CHTF8: variants seen among roughly 807,000 people sequenced by gnomAD.
The protein encoded by CHTF8 is chromosome transmission fidelity protein 8 homolog.
Under a neutral mutation model 11.0 loss-of-function variants are expected in CHTF8, and 6 were observed. The observed-to-expected ratio is 0.55, with a 90% CI of 0.30 to 1.08. CHTF8 has a LOEUF of 1.08. CHTF8 is among the 50% of genes least tolerant of loss of function. CHTF8 has a pLI of 0.07. For missense variants in CHTF8, 140 were observed against 153.1 expected (o/e 0.91, Z 0.45); for synonymous variants, 53 against 60.5 (o/e 0.88, Z 0.57).
intron 1 of CHTF8, among the ~76,000 whole-genome samples, chr16:69,129,284 G>T (rs1962315470): frequency 6.6e-6 from 1 of 151,730 alleles, no homozygotes; most frequent in South Asian, 2.1e-4. Flanking sequence ...CAAAAAATTA[G>T]CCGGGCGTGG....
chr16:69,124,122 AAG>A (rs200948847), intron 1 of CHTF8, among the ~76,000 whole-genome samples: 2,682 of 151,928 alleles, frequency 0.018, 79 homozygotes, highest in African/African-American at 0.061. Context: ...AAAAAAAAAA[AAG>A]GATAATATGC....
intron 1 of CHTF8, among the ~76,000 whole-genome samples, chr16:69,122,539 ATTTT>A (rs764144816): frequency 2.3e-5 from 3 of 130,742 alleles, no homozygotes; most frequent in East Asian, 4.4e-4. Flanking sequence ...TACCCAGCTA[ATTTT>A]TTTTTTTTTT....
At chr16:69,121,325 CA>C in intron 2 of CHTF8, 110 bp downstream of exon 2, 1 of 1,225,712 alleles carries the variant, frequency 8.2e-7, no homozygotes, top group African/African-American at 1.5e-5. Flanking sequence ...GATCAGAATG[CA>C]AGGATTTGTA....
chr16:69,122,327 C>A (rs1424515246), intron 1 of CHTF8, among the ~76,000 whole-genome samples: 1 of 151,902 alleles, frequency 6.6e-6, no homozygotes, highest in African/African-American at 2.4e-5. Context: ...AGACCATACT[C>A]TTGCTCACTA....
At chr16:69,128,039 C>A (rs549422897) in intron 1 of CHTF8, among the ~76,000 whole-genome samples, 1 of 152,128 alleles carries the variant, frequency 6.6e-6, no homozygotes, top group Admixed American at 6.5e-5. Context: ...CTCAGCCTCC[C>A]GAGTAACTGG....
Position 69,118,264 on chromosome 16 carries a change from A to G in CHTF8, c.*2161T>C. 1 of 806,474 alleles carries G rather than the reference A, an allele frequency of 1.2e-6. No individual in the cohort carries two copies. The highest frequency in any genetic ancestry group is 2.2e-6 in the Non-Finnish European group (1 of 460,102). The allele number at this position is 806,474 out of a possible 1,614,324, so 50.0% of individuals were successfully genotyped here. A position where few individuals can be genotyped will look rare whatever the true frequency, so the allele number is the denominator to read the frequency against. On this transcript the variant is annotated 3_prime_UTR_variant, in exon 4 of 4. Transcript: ENST00000448552. The stretch of plus-strand genomic sequence containing the variant: ...CTGGCCACCTCTAAGTCCCAGGAGA[A>G]GGGAGCTGCAGGCCCAGTCAGTCAA...
Position 69,121,508 on chromosome 16 carries a change from A to AG in CHTF8, c.-35-16_-35-15insC. ...GTGAAAACAAGCTGTAGAGAGAAAA[A>AG]AAGAGATTTAGGGTAATAACAACAA... On this transcript the variant is annotated splice_polypyrimidine_tract_variant and intron_variant, in intron 1 of 3. Transcript: ENST00000448552. The AG allele has an allele frequency of 2.6e-6, 4 of 1,519,946 alleles. No individual in the cohort carries two copies. The highest frequency in any genetic ancestry group is 3.6e-6 in the Non-Finnish European group (4 of 1,112,730). 94.2% of individuals were successfully genotyped at this position (1,519,946 alleles called of 1,614,324 possible).
At chr16:69,122,996 T>C (rs903419855) in intron 1 of CHTF8, among the ~76,000 whole-genome samples, 4 of 152,148 alleles carry the variant, frequency 2.6e-5, no homozygotes, top group African/African-American at 9.6e-5. Flanking sequence ...CTTGACCTCA[T>C]GATCCGCCCA....
Position 69,118,323 on chromosome 16 carries a change from G to T in CHTF8, c.*2102C>A. On this transcript the variant is annotated 3_prime_UTR_variant, in exon 4 of 4. Coordinates refer to ENST00000448552, the MANE Select transcript of CHTF8 (RefSeq NM_001039690.5). ...TGCATTCGGTGGGTCTTTCTTTGAA[G>T]TGGTTGTCCATCTCCCTGTTCTGTG... is the stretch of plus-strand genomic sequence containing the variant. 7.6e-7 allele frequency: 1 copy of T among 1,324,314 alleles called. No homozygotes were observed. The highest frequency in any genetic ancestry group is 1.2e-5 in the South Asian group (1 of 85,318). The allele number at this position is 1,324,314 out of a possible 1,614,324, so 82.0% of individuals were successfully genotyped here. A position where few individuals can be genotyped will look rare whatever the true frequency, so the allele number is the denominator to read the frequency against.
intron 1 of CHTF8, among the ~76,000 whole-genome samples, chr16:69,126,801 G>A (rs1165913869): frequency 6.6e-6 from 1 of 152,108 alleles, no homozygotes; most frequent in Admixed American, 6.5e-5. Flanking sequence ...TGTAACACCT[G>A]AATTCTGTTA....
Position 69,121,428 on chromosome 16 carries a change from G to A in CHTF8, c.23+8C>T. On this transcript the variant is annotated splice_region_variant and intron_variant, in intron 2 of 3. Transcript: ENST00000448552. ...AAGCCAAATTTTAAAATCTCAAAAT[G>A]TACTTACCTGGAAATAACAATTTGC... The A allele has an allele frequency of 1.2e-6, 2 of 1,605,838 alleles. No homozygotes were observed. Among genetic ancestry groups the A allele is most frequent in the East Asian group, 2.2e-5 (1 of 44,854 alleles).
At position 69,119,019 on chromosome 16, in the gene CHTF8, G is replaced by T; in HGVS notation, c.*1406C>A. The T allele has an allele frequency of 1.4e-6, 1 of 703,056 alleles. No individual in the cohort carries two copies. Among genetic ancestry groups the T allele is most frequent in the Non-Finnish European group, 2.6e-6 (1 of 385,022 alleles). 43.6% of individuals were successfully genotyped at this position (703,056 alleles called of 1,614,324 possible). On this transcript the variant is annotated 3_prime_UTR_variant, in exon 4 of 4. Transcript: ENST00000448552. ...GAAAGGAAGCTGGGTTGAGACCCAG[G>T]GTCCCAGTTGGCCTTGTGAAAGGAG... is the stretch of plus-strand genomic sequence containing the variant.
chr16:69,122,946 T>C (rs1411661097), intron 1 of CHTF8, among the ~76,000 whole-genome samples: 1 of 152,150 alleles, frequency 6.6e-6, no homozygotes, highest in Non-Finnish European at 1.5e-5. Flanking sequence ...CCCAAAGTGC[T>C]GGGATTACAG....
intron 1 of CHTF8, 132 bp from the exon 2 acceptor site, chr16:69,121,625 C>T: frequency 1.8e-6 from 1 of 566,636 alleles, no homozygotes; most frequent in Non-Finnish European, 3.2e-6. Context: ...ATACAGGCAC[C>T]CACCACTATG....
chr16:69,128,288 T>C (rs1389358386), intron 1 of CHTF8, among the ~76,000 whole-genome samples: 1 of 152,196 alleles, frequency 6.6e-6, no homozygotes, highest in Non-Finnish European at 1.5e-5. Flanking sequence ...ACAATAATTC[T>C]AGGTTGACAA....
chr16:69,131,988 C>G (rs1962563452), intron 1 of CHTF8: 2 of 152,894 alleles, frequency 1.3e-5, no homozygotes. Context: ...CCCCTTTCTG[C>G]TCTTCCCGCT....
At position 69,118,490 on chromosome 16, in the gene CHTF8, CT is replaced by C. The variant is rs1396503187; in HGVS notation, c.*1934del. ...TGATTCTCCAATGGTGAGCAGGGGA[CT>C]ACATGTGAACTGGGACCTGCAGGCC... On this transcript the variant is annotated 3_prime_UTR_variant, in exon 4 of 4. Coordinates refer to ENST00000448552, the MANE Select transcript of CHTF8 (RefSeq NM_001039690.5). 7.4e-7 allele frequency: 1 copy of C among 1,350,522 alleles called. No homozygotes were observed. The highest frequency in any genetic ancestry group is 1.2e-5 in the South Asian group (1 of 86,080). 83.7% of individuals were successfully genotyped at this position (1,350,522 alleles called of 1,614,324 possible). A position where few individuals can be genotyped will look rare whatever the true frequency, so the allele number is the denominator to read the frequency against.
intron 1 of CHTF8, among the ~76,000 whole-genome samples, chr16:69,129,732 G>A (rs1386344536): frequency 6.6e-6 from 1 of 152,126 alleles, no homozygotes; most frequent in Non-Finnish European, 1.5e-5. Context: ...GCCCCCTCCT[G>A]TAAAGCACCT....
At position 69,121,497 on chromosome 16, in the gene CHTF8, T is replaced by TA; in HGVS notation, c.-35-5dup. ...TTAAAAAGCAAGTGAAAACAAGCTGTAGAGAGAAAAAAAGAGATTTAGGGT... is the reference window on the plus strand; with the variant it reads ...TTAAAAAGCAAGTGAAAACAAGCTGTAAGAGAGAAAAAAAGAGATTTAGGGT... On this transcript the variant is annotated splice_region_variant and splice_polypyrimidine_tract_variant and intron_variant, in intron 1 of 3. Coordinates refer to ENST00000448552, the MANE Select transcript of CHTF8 (RefSeq NM_001039690.5). 6.4e-7 allele frequency: 1 copy of TA among 1,568,204 alleles called. No individual in the cohort carries two copies. Among genetic ancestry groups the TA allele is most frequent in the African/African-American group, 1.4e-5 (1 of 72,690 alleles).
Sources: allele counts gnomAD v4.1 joint callset (sites outside exome capture counted in the v4.1 genomes callset), GRCh38; gene constraint gnomAD v4.1.1; transcripts MANE v1.5; gene names NCBI Gene and HGNC (gene_info 2026-07-23, HGNC 2026-07-21).